The following SCFD2 variants were observed in gnomAD, a reference collection of about 807,000 sequenced individuals.
SCFD2 encodes sec1 family domain-containing protein 2.
In SCFD2, 54 loss-of-function variants were observed where a neutral mutation model predicts 58.9. That is an observed-to-expected ratio of 0.92 (90% CI 0.74 to 1.15). The LOEUF is 1.15. Ranked by LOEUF, SCFD2 falls within the 50% of genes most tolerant of loss-of-function variation. The pLI is 0.00. For synonymous variants in SCFD2, 321 were observed against 335.9 expected (o/e 0.96, Z 0.49); for missense variants, 805 against 836.6 (o/e 0.96, Z 0.47).
At chr4:53,191,989 A>G (rs974776373) in intron 4 of SCFD2, among the ~76,000 whole-genome samples, 2 of 152,138 alleles carry the variant, frequency 1.3e-5, no homozygotes, top group Non-Finnish European at 2.9e-5. Flanking sequence ...CAGTAATATT[A>G]ACATTTAATG....
At chr4:53,348,025 G>T (rs926871175) in intron 2 of SCFD2, among the ~76,000 whole-genome samples, 17 of 152,150 alleles carry the variant, frequency 1.1e-4, no homozygotes, top group Non-Finnish European at 2.2e-4. Context: ...ATTTCAACAG[G>T]AGGAAAACAT....
intron 2 of SCFD2, among the ~76,000 whole-genome samples, chr4:53,333,653 G>A (rs967138989): frequency 6.9e-6 from 1 of 144,396 alleles, no homozygotes; most frequent in Non-Finnish European, 1.5e-5. Flanking sequence ...AACCCTAGAA[G>A]AAAACCTAGG....
chr4:53,340,844 A>G (rs1280163679), intron 2 of SCFD2, among the ~76,000 whole-genome samples: 2 of 152,222 alleles, frequency 1.3e-5, no homozygotes, highest in Non-Finnish European at 1.5e-5. Context: ...ATACCCAGGC[A>G]AACAGGGTCT....
chr4:52,879,585 C>T (rs1444812388), intron 8 of SCFD2, among the ~76,000 whole-genome samples: 3 of 152,194 alleles, frequency 2.0e-5, no homozygotes, highest in Non-Finnish European at 4.4e-5. Context: ...AACCAAGTCC[C>T]TCCAGCAGCC....
intron 4 of SCFD2, among the ~76,000 whole-genome samples, chr4:53,271,235 A>G (rs1731153997): frequency 6.6e-6 from 1 of 152,016 alleles, no homozygotes; most frequent in Non-Finnish European, 1.5e-5. Flanking sequence ...AACAATATAT[A>G]ACAGGAGACA....
At chr4:53,345,896 A>T (rs988992104) in intron 2 of SCFD2, among the ~76,000 whole-genome samples, 4 of 152,102 alleles carry the variant, frequency 2.6e-5, no homozygotes, top group Non-Finnish European at 5.9e-5. Context: ...GAATTGAACA[A>T]TGAGAACACT....
intron 4 of SCFD2, among the ~76,000 whole-genome samples, chr4:53,146,315 CCTATTT>C (rs1322209211): frequency 6.6e-6 from 1 of 152,062 alleles, no homozygotes; most frequent in Non-Finnish European, 1.5e-5. Context: ...AGAAACTGTA[CCTATTT>C]CTATCATAAA....
At chr4:53,217,251 A>C (rs1728876442) in intron 4 of SCFD2, among the ~76,000 whole-genome samples, 1 of 152,018 alleles carries the variant, frequency 6.6e-6, no homozygotes, top group Non-Finnish European at 1.5e-5. Flanking sequence ...TGGGGTGTTA[A>C]AGTCTCCCAT....
intron 2 of SCFD2, among the ~76,000 whole-genome samples, chr4:53,336,225 A>G (rs1049085518): frequency 1.3e-5 from 2 of 152,164 alleles, no homozygotes. Flanking sequence ...ACAATTACCA[A>G]AACTGAGCTC....
At chr4:52,910,996 C>T (rs1014959020) in intron 6 of SCFD2, among the ~76,000 whole-genome samples, 3 of 151,922 alleles carry the variant, frequency 2.0e-5, no homozygotes, top group Non-Finnish European at 2.9e-5. Flanking sequence ...TACTCAGTCT[C>T]GGGAATGTCT....
chr4:52,951,527 A>T (rs903888554), intron 5 of SCFD2, among the ~76,000 whole-genome samples: 1 of 152,210 alleles, frequency 6.6e-6, no homozygotes, highest in African/African-American at 2.4e-5. Context: ...ACTCAATTAT[A>T]TTGAAAATTT....
chr4:52,945,438 C>T (rs1432178517), intron 5 of SCFD2, among the ~76,000 whole-genome samples: 1 of 152,174 alleles, frequency 6.6e-6, no homozygotes, highest in East Asian at 1.9e-4. Context: ...TCCCCCTCAA[C>T]ACATATATTT....
At chr4:52,931,353 T>A (rs1045316514) in intron 5 of SCFD2, among the ~76,000 whole-genome samples, 2 of 152,204 alleles carry the variant, frequency 1.3e-5, no homozygotes, top group Non-Finnish European at 2.9e-5. Flanking sequence ...TGGGGAGCTA[T>A]GCTGCACCTG....
chr4:53,138,923 C>G (rs1233044809), intron 5 of SCFD2, among the ~76,000 whole-genome samples: 2 of 151,238 alleles, frequency 1.3e-5, no homozygotes, highest in Non-Finnish European at 2.9e-5. Context: ...GATGCCCAGC[C>G]GAGGCTGGAC....
At chr4:53,178,925 T>C (rs1171594183) in intron 4 of SCFD2, among the ~76,000 whole-genome samples, 2 of 151,518 alleles carry the variant, frequency 1.3e-5, no homozygotes, top group Non-Finnish European at 2.9e-5. Flanking sequence ...ATGAATGAAA[T>C]GAAGTGAGAA....
chr4:53,037,808 C>A (rs547089475), intron 5 of SCFD2, among the ~76,000 whole-genome samples: 2 of 152,174 alleles, frequency 1.3e-5, no homozygotes, highest in East Asian at 3.9e-4. Context: ...CTCTTTAAAA[C>A]CACATATATC....
intron 5 of SCFD2, among the ~76,000 whole-genome samples, chr4:53,005,412 C>G (rs1471130522): frequency 6.6e-6 from 1 of 152,198 alleles, no homozygotes; most frequent in African/African-American, 2.4e-5. Context: ...CAGCAAAGAA[C>G]AAGAGCCCCA....
chr4:53,265,950 G>T (rs1171299453), intron 4 of SCFD2, among the ~76,000 whole-genome samples: 1 of 151,198 alleles, frequency 6.6e-6, no homozygotes, highest in Non-Finnish European at 1.5e-5. Flanking sequence ...TCACTATGTT[G>T]CCCAGACTGG....
At chr4:53,359,253 A>C (rs1255625602) in intron 1 of SCFD2, among the ~76,000 whole-genome samples, 1 of 152,206 alleles carries the variant, frequency 6.6e-6, no homozygotes. Flanking sequence ...GAAGAAATAT[A>C]AATATATAAA....
Sources: allele counts gnomAD v4.1 joint callset (sites outside exome capture counted in the v4.1 genomes callset), GRCh38; gene constraint gnomAD v4.1.1; transcripts MANE v1.5; gene names NCBI Gene and HGNC (gene_info 2026-07-23, HGNC 2026-07-21).